The following FANCI variants were observed in gnomAD, a reference collection of about 807,000 sequenced individuals.
FANCI encodes the protein Fanconi anemia group I protein.
FANCI carries 156 observed loss-of-function variants against 176.1 expected under a neutral mutation model. The observed-to-expected ratio is 0.89, with a 90% CI of 0.78 to 1.01. The LOEUF is 1.01. Ranked by LOEUF, FANCI falls within the 50% of genes least tolerant of loss-of-function variation. The probability of loss-of-function intolerance (pLI) is 0.00; values close to 1 mark genes in which losing one functional copy is unlikely to be tolerated. For missense variants in FANCI, 1,678 were observed against 1,534.1 expected (o/e 1.09, Z -1.57); for synonymous variants, 613 against 541.7 (o/e 1.13, Z -1.83).
At chr15:89,265,012 A>G (rs914081540) in intron 9 of FANCI, among the ~76,000 whole-genome samples, 1 of 152,206 alleles carries the variant, frequency 6.6e-6, no homozygotes, top group African/African-American at 2.4e-5. Context: ...ATTCAAATGG[A>G]TGATCTACCA....
chr15:89,245,172 C>CTTTTTTTT (rs1354260784), intron 1 of FANCI: 3 of 122,544 alleles, frequency 2.4e-5, no homozygotes, highest in African/African-American at 9.7e-5. Context: ...CTTTTCTTTT[C>CTTTTTTTT]TTTTCTTTTT....
intron 1 of FANCI, 81 bp from the exon 2 acceptor site, chr15:89,247,548 T>G: frequency 2.1e-6 from 2 of 962,926 alleles, no homozygotes; most frequent in South Asian, 2.6e-5. Flanking sequence ...GTATGAAATA[T>G]TCAGTTAACA....
At chr15:89,296,185 G>A (rs761879930) in intron 24 of FANCI, among the ~76,000 whole-genome samples, 23 of 151,852 alleles carry the variant, frequency 1.5e-4, no homozygotes, top group Non-Finnish European at 3.1e-4. Context: ...GGCTGGTCTC[G>A]AACTCCTGAC....
At chr15:89,264,456 C>G (rs2052852575) in intron 8 of FANCI, 66 bp from the exon 9 acceptor site, 1 of 1,335,116 alleles carries the variant, frequency 7.5e-7, no homozygotes, top group East Asian at 2.4e-5. Flanking sequence ...CTGAAAACTA[C>G]TTTGAATTCA....
rs368868596 is a variant in FANCI, at chr15:89,305,150, C to T, written c.3094C>T (p.Leu1032Phe). 1 of 1,614,210 alleles carries T rather than the reference C, an allele frequency of 6.2e-7. No individual in the cohort carries two copies. The highest frequency in any genetic ancestry group is 8.5e-7 in the Non-Finnish European group (1 of 1,180,034). ...ALFCKSLMNL[L>F]FSLHVSYKSP... is the part of the protein sequence containing the mutation. ...GTTTTGCAAGAGCTTGATGAACTTG[C>T]TCTTCAGCCTGCATGTTTCGTATAA... Residue 1032 changes from leucine (L) to phenylalanine (F), a missense_variant, in exon 29 of 38, where the codon CTC (leucine) becomes TTC (phenylalanine). Around this residue, in one of 3 missense-constraint regions of FANCI, gnomAD observed 1,204 missense variants for 1,077.4 expected, o/e 1.12. Transcript: ENST00000310775.
intron 17 of FANCI, 88 bp downstream of exon 17, chr15:89,283,338 T>C (rs571832940): frequency 1.7e-5 from 27 of 1,588,356 alleles, no homozygotes; most frequent in Admixed American, 6.8e-5. Context: ...ATTCCTGTTA[T>C]GGTTGTAAGA....
chr15:89,304,726 C>T (rs912821640), intron 28 of FANCI, among the ~76,000 whole-genome samples: 1 of 152,124 alleles, frequency 6.6e-6, no homozygotes, highest in Non-Finnish European at 1.5e-5. Flanking sequence ...GGCACTCCAC[C>T]CCACACACCC....
chr15:89,268,561 T>C (rs755072669), intron 10 of FANCI, 36 bp downstream of exon 10: 3 of 1,610,162 alleles, frequency 1.9e-6, no homozygotes, highest in African/African-American at 1.4e-5. Flanking sequence ...TGGGTCTCTT[T>C]TGAATGAAAG....
intron 34 of FANCI, among the ~76,000 whole-genome samples, chr15:89,312,591 C>T (rs1236425772): frequency 1.3e-5 from 2 of 151,940 alleles, no homozygotes; most frequent in Non-Finnish European, 2.9e-5. Flanking sequence ...AGGCTGAGGC[C>T]GGCAGATCAC....
chr15:89,287,806 C>T (rs187135951), intron 18 of FANCI, among the ~76,000 whole-genome samples: 53 of 152,142 alleles, frequency 3.5e-4, no homozygotes, highest in African/African-American at 1.2e-3. Context: ...GGATGATGGC[C>T]CAGTCAGTGG....
At chr15:89,284,995 G>A in intron 17 of FANCI, 101 bp from the exon 18 acceptor site, 2 of 1,455,112 alleles carry the variant, frequency 1.4e-6, no homozygotes, top group Admixed American at 1.7e-5. Flanking sequence ...TTGGCATGTG[G>A]AGGAAGCTAA....
chr15:89,308,274 C>T (rs2054805996), intron 34 of FANCI: 2 of 661,028 alleles, frequency 3.0e-6, no homozygotes, highest in Admixed American at 6.3e-5. Flanking sequence ...CTCCACCTAC[C>T]AGATGCCAGT....
Position 89,306,013 on chromosome 15 carries a change from C to T in FANCI, c.3356C>T (p.Ala1119Val). The change falls in exon 32 of 38, where the codon GCC becomes GTC. Residue 1119 changes from alanine (A) to valine (V), a missense_variant. By Grantham distance (64) the Ala-to-Val change is moderately conservative. Coordinates refer to ENST00000310775, the MANE Select transcript of FANCI (RefSeq NM_001113378.2). ...QVSQETLSEEASSQATLPNQP... is the reference protein window; with the variant it reads ...QVSQETLSEEVSSQATLPNQP... ...CAATTTTATTTCCCTTTAGAAGAGGCCTCTTCTCAGGCAACCCTACCAAAT... is the reference window on the plus strand; with the variant it reads ...CAATTTTATTTCCCTTTAGAAGAGGTCTCTTCTCAGGCAACCCTACCAAAT... 6.2e-7 allele frequency: 1 copy of T among 1,614,144 alleles called. No homozygotes were observed. Among genetic ancestry groups the T allele is most frequent in the Non-Finnish European group, 8.5e-7 (1 of 1,180,022 alleles).
chr15:89,306,664 C>T (rs370562629), intron 32 of FANCI, among the ~76,000 whole-genome samples: 14 of 151,940 alleles, frequency 9.2e-5, no homozygotes, highest in African/African-American at 2.7e-4. Context: ...TGTACTCCAG[C>T]GTTGGCAATA....
chr15:89,283,833 A>C (rs552290199), intron 17 of FANCI, among the ~76,000 whole-genome samples: 1 of 151,398 alleles, frequency 6.6e-6, no homozygotes, highest in Non-Finnish European at 1.5e-5. Context: ...GCTCACTGCA[A>C]CTCACTGCAA....
chr15:89,313,549 T>G (rs923731636), intron 35 of FANCI, among the ~76,000 whole-genome samples: 1 of 152,206 alleles, frequency 6.6e-6, no homozygotes, highest in Non-Finnish European at 1.5e-5. Context: ...AAAAGATGTG[T>G]AAGAGTCAGC....
intron 12 of FANCI, among the ~76,000 whole-genome samples, chr15:89,275,358 A>C (rs1567153187): frequency 6.6e-6 from 1 of 152,196 alleles, no homozygotes; most frequent in Non-Finnish European, 1.5e-5. Flanking sequence ...AACCACATGG[A>C]AAACATCAGT....
chr15:89,313,694 T>G (rs1383238793), intron 35 of FANCI, among the ~76,000 whole-genome samples: 1 of 152,108 alleles, frequency 6.6e-6, no homozygotes, highest in Non-Finnish European at 1.5e-5. Flanking sequence ...TACAGGCCTG[T>G]GTACAGGATG....
At chr15:89,250,978 G>T (rs2052222380) in intron 2 of FANCI, among the ~76,000 whole-genome samples, 1 of 151,720 alleles carries the variant, frequency 6.6e-6, no homozygotes, top group Non-Finnish European at 1.5e-5. Context: ...AAAGATAAAA[G>T]TGGAAATTAA....
Sources: allele counts gnomAD v4.1 joint callset (sites outside exome capture counted in the v4.1 genomes callset), GRCh38; gene constraint gnomAD v4.1.1; regional missense constraint gnomAD v4.1.1; transcripts MANE v1.5; gene names NCBI Gene and HGNC (gene_info 2026-07-23, HGNC 2026-07-21).